AGA: variants seen among roughly 807,000 people sequenced by gnomAD.
The protein encoded by AGA is aspartylglucosaminidase.
In AGA, 31 loss-of-function variants were observed where a neutral mutation model predicts 40.1. The observed-to-expected ratio is 0.77, with a 90% CI of 0.58 to 1.04. The LOEUF is 1.04. Ranked by LOEUF, AGA falls within the 50% of genes least tolerant of loss-of-function variation. The pLI is 0.00. For synonymous variants in AGA, 148 were observed against 144.0 expected (o/e 1.03, Z -0.20); for missense variants, 445 against 435.4 (o/e 1.02, Z -0.20).
rs1057516565 is a variant in AGA at position 177,442,248 on chromosome 4, C to T, written c.127+1G>A. 2 of 1,613,806 alleles carry T rather than the reference C, an allele frequency of 1.2e-6. No homozygotes were observed. Among genetic ancestry groups the T allele is most frequent in the South Asian group, 1.1e-5 (1 of 91,076 alleles). On this transcript the variant is annotated splice_donor_variant, in intron 1 of 8. Transcript: ENST00000264595. LOFTEE classifies it high-confidence loss of function. ...CGCCCGCCCAGGCCGCCAACCCGCA[C>T]CTGCTTCGGTTGCATTCTTAAAGGG...
intron 5 of AGA, among the ~76,000 whole-genome samples, chr4:177,436,906 C>A (rs1449349250): frequency 6.6e-6 from 1 of 152,140 alleles, no homozygotes; most frequent in Admixed American, 6.6e-5. Context: ...TGAGTTCTAC[C>A]CGATTTCCTG....
rs557029891 is a variant in AGA at position 177,431,538 on chromosome 4, A to G, written c.*170T>C. ...TATAAGAAAGGTTAAATAAAAATAGATAATACAATTTCAGATATAGAAAGT... is the reference window on the plus strand; with the variant it reads ...TATAAGAAAGGTTAAATAAAAATAGGTAATACAATTTCAGATATAGAAAGT... On this transcript the variant is annotated 3_prime_UTR_variant, in exon 9 of 9. Transcript: ENST00000264595. 1.5e-4 allele frequency: 105 copies of G among 681,402 alleles called. No homozygotes were observed. In the African/African-American group the frequency reaches 1.7e-3, roughly 11 times the overall value. The allele number at this position is 681,402 out of a possible 1,614,324, so 42.2% of individuals were successfully genotyped here. A position where few individuals can be genotyped will look rare whatever the true frequency, so the allele number is the denominator to read the frequency against.
chr4:177,431,951 C>T lies in AGA; in HGVS notation c.941-143G>A, dbSNP rs1579038517. 6 of 725,490 alleles carry T rather than the reference C, an allele frequency of 8.3e-6. No homozygotes were observed. In the East Asian group the frequency reaches 1.6e-4, roughly 20 times the overall value. 44.9% of individuals were successfully genotyped at this position (725,490 alleles called of 1,614,324 possible). A position where few individuals can be genotyped will look rare whatever the true frequency, so the allele number is the denominator to read the frequency against. On this transcript the variant is annotated intron_variant, in intron 8 of 8. Transcript: ENST00000264595. The stretch of plus-strand genomic sequence containing the variant: ...CATGGAAATACACTAGTGTCATCCT[C>T]CTCAGAACTGAGCAGTGAACAGTCC...
In AGA at chr4:177,442,381, A is replaced by C; in HGVS notation, c.-6T>G. 6.2e-7 allele frequency: 1 copy of C among 1,613,926 alleles called. No individual in the cohort carries two copies. The highest frequency in any genetic ancestry group is 8.5e-7 in the Non-Finnish European group (1 of 1,179,902). On this transcript the variant is annotated 5_prime_UTR_variant, in exon 1 of 9. Transcript: ENST00000264595. Reference sequence around the variant, plus strand: ...AAGTTCGACTTCCGCGCCATCCCTGACCACCGAAGAGACCAGCGCGAGAAA... The same window carrying C: ...AAGTTCGACTTCCGCGCCATCCCTGCCCACCGAAGAGACCAGCGCGAGAAA...
Position 177,431,733 on chromosome 4 carries a change from G to A in AGA, c.1016C>T (p.Thr339Ile). ...TTAGATGCAGTCCACTTTTTCCTCAGTTGGCTGATTTTTTTCGGAATTATA... is the reference window on the plus strand; with the variant it reads ...TTAGATGCAGTCCACTTTTTCCTCAATTGGCTGATTTTTTTCGGAATTATA... ...MVYNSEKNQP[T>I]EEKVDCI The change falls in exon 9 of 9, where the codon ACT (threonine) becomes ATT (isoleucine). Residue 339 changes from threonine to isoleucine, a missense_variant. Coordinates refer to ENST00000264595, the MANE Select transcript of AGA (RefSeq NM_000027.4). 1 of 1,613,342 alleles carries A rather than the reference G, an allele frequency of 6.2e-7. No individual in the cohort carries two copies. The highest frequency in any genetic ancestry group is 1.7e-4 in the Middle Eastern group (1 of 6,058).
intron 2 of AGA, 196 bp downstream of exon 2, chr4:177,440,077 C>T (rs550513400): frequency 3.1e-6 from 2 of 650,438 alleles, no homozygotes; most frequent in African/African-American, 1.8e-5. Context: ...GACTACCTAT[C>T]TCTCCATGTG....
At position 177,430,858 on chromosome 4, in the gene AGA, G is replaced by C; in HGVS notation, c.*850C>G. Reference sequence around the variant, plus strand: ...GAAAAATGCTGCTGAGAAAGCACGCGCACAACTTCTGTAGAGTTGTCATAC... The same window carrying C: ...GAAAAATGCTGCTGAGAAAGCACGCCCACAACTTCTGTAGAGTTGTCATAC... On this transcript the variant is annotated 3_prime_UTR_variant, in exon 9 of 9. Transcript: ENST00000264595. The C allele has an allele frequency of 2.2e-6, 1 of 454,022 alleles. No homozygotes were observed. The highest frequency in any genetic ancestry group is 4.4e-6 in the Non-Finnish European group (1 of 226,776). 28.1% of individuals were successfully genotyped at this position (454,022 alleles called of 1,614,324 possible). A position where few individuals can be genotyped will look rare whatever the true frequency, so the allele number is the denominator to read the frequency against.
chr4:177,433,199 C>A lies in AGA; in HGVS notation c.940+15G>T. 1 of 1,613,898 alleles carries A rather than the reference C, an allele frequency of 6.2e-7. No homozygotes were observed. Among genetic ancestry groups the A allele is most frequent in the South Asian group, 1.1e-5 (1 of 91,074 alleles). ...TTGGAAGTTCACACAAATACAAAAT[C>A]CAAACACAACTTACCGTAACTTCCA... On this transcript the variant is annotated intron_variant, in intron 8 of 8. Coordinates refer to ENST00000264595, the MANE Select transcript of AGA (RefSeq NM_000027.4).
rs750039624 is a variant in AGA at position 177,436,368 on chromosome 4, A to T, written c.623-17T>A. On this transcript the variant is annotated splice_polypyrimidine_tract_variant and intron_variant, in intron 5 of 8. Transcript: ENST00000264595. ...CAACCATGCCTAGAAGTTAAAAAAA[A>T]AAAATCACTGTAGGTGTATAAAGTT... is the stretch of plus-strand genomic sequence containing the variant. 1 of 1,605,692 alleles carries T rather than the reference A, an allele frequency of 6.2e-7. No individual in the cohort carries two copies. The highest frequency in any genetic ancestry group is 2.2e-5 in the East Asian group (1 of 44,844).
Position 177,437,297 on chromosome 4 carries a change from T to C in AGA, c.622+108A>G, listed in dbSNP as rs933868882. The C allele has an allele frequency of 6.5e-5, 52 of 801,824 alleles. No homozygotes were observed. In the African/African-American group the frequency reaches 8.7e-4, roughly 13 times the overall value. The allele number at this position is 801,824 out of a possible 1,614,324, so 49.7% of individuals were successfully genotyped here. On this transcript the variant is annotated intron_variant, in intron 5 of 8. Coordinates refer to ENST00000264595, the MANE Select transcript of AGA (RefSeq NM_000027.4). ...CTATCTATAGAGAGGCACACTTAAT[T>C]GGCAGTTAAAACAATCAAAATCAAC...
At chr4:177,437,727 A>G (rs1736871822) in intron 4 of AGA, among the ~76,000 whole-genome samples, 1 of 152,208 alleles carries the variant, frequency 6.6e-6, no homozygotes, top group African/African-American at 2.4e-5. Flanking sequence ...TAGTCTAAGA[A>G]TTAAATAATA....
In AGA at chr4:177,439,973, C is replaced by CA. The variant is rs1203327133; in HGVS notation, c.282-286dup. The CA allele has an allele frequency of 2.2e-5, 13 of 582,950 alleles. No homozygotes were observed. The Admixed American group carries it at 3.0e-4, about 14-fold the overall frequency. 36.1% of individuals were successfully genotyped at this position (582,950 alleles called of 1,614,324 possible). A position where few individuals can be genotyped will look rare whatever the true frequency, so the allele number is the denominator to read the frequency against. On this transcript the variant is annotated intron_variant, in intron 2 of 8. Coordinates refer to ENST00000264595, the MANE Select transcript of AGA (RefSeq NM_000027.4). The stretch of plus-strand genomic sequence containing the variant: ...TGAAAGGGGCCTGAAGGCTTCAGGT[C>CA]AGGCAAACCACAGCATTTGTGGACA...
Position 177,437,346 on chromosome 4 carries a change from G to A in AGA, c.622+59C>T, listed in dbSNP as rs893208989. ...ACTTCTGGTAGAAGAATAGGGAAGA[G>A]CTACAGGAAGATAATTAACTAAACT... On this transcript the variant is annotated intron_variant, in intron 5 of 8. Coordinates refer to ENST00000264595, the MANE Select transcript of AGA (RefSeq NM_000027.4). 1.7e-5 allele frequency: 20 copies of A among 1,166,196 alleles called. 1 individual carries two copies. The highest frequency in any genetic ancestry group is 1.7e-4 in the East Asian group (7 of 42,240). 72.2% of individuals were successfully genotyped at this position (1,166,196 alleles called of 1,614,324 possible).
rs147575264 is a variant in AGA at position 177,442,388 on chromosome 4, A to G, written c.-13T>C. 6.5e-5 allele frequency: 105 copies of G among 1,613,872 alleles called. No individual in the cohort carries two copies. The highest frequency in any genetic ancestry group is 4.9e-4 in the Middle Eastern group (3 of 6,062). The stretch of plus-strand genomic sequence containing the variant: ...ACTTCCGCGCCATCCCTGACCACCG[A>G]AGAGACCAGCGCGAGAAAAGTCCCG... On this transcript the variant is annotated 5_prime_UTR_variant, in exon 1 of 9. Coordinates refer to ENST00000264595, the MANE Select transcript of AGA (RefSeq NM_000027.4).
chr4:177,431,361 C>T lies in AGA; in HGVS notation c.*347G>A, dbSNP rs1245064901. The T allele has an allele frequency of 2.3e-6, 1 of 442,988 alleles. No homozygotes were observed. The highest frequency in any genetic ancestry group is 2.0e-5 in the African/African-American group (1 of 49,204). 27.4% of individuals were successfully genotyped at this position (442,988 alleles called of 1,614,324 possible). On this transcript the variant is annotated 3_prime_UTR_variant, in exon 9 of 9. Coordinates refer to ENST00000264595, the MANE Select transcript of AGA (RefSeq NM_000027.4). ...AACTTGTATACTCTATTTTAAGCAT[C>T]CAAATATGATGATTCCTTTTGGGTT...
At position 177,431,340 on chromosome 4, in the gene AGA, T is replaced by C. The variant is rs894554337; in HGVS notation, c.*368A>G. 2.0e-5 allele frequency: 9 copies of C among 449,328 alleles called. No individual in the cohort carries two copies. The highest frequency in any genetic ancestry group is 1.6e-4 in the African/African-American group (8 of 49,748). 27.8% of individuals were successfully genotyped at this position (449,328 alleles called of 1,614,324 possible). On this transcript the variant is annotated 3_prime_UTR_variant, in exon 9 of 9. Transcript: ENST00000264595. ...TTTTTTTCTTTGGGTCTAAAAAACT[T>C]GTATACTCTATTTTAAGCATCCAAA...
intron 1 of AGA, 143 bp downstream of exon 1, chr4:177,442,106 G>T: frequency 8.1e-7 from 1 of 1,228,008 alleles, no homozygotes. Context: ...GACTCGGGAA[G>T]ACCTAGAGGG....
In AGA at chr4:177,431,617, C is replaced by G. The variant is rs928553796; in HGVS notation, c.*91G>C. ...TTTATTTTACAAAAAGACTTTAGAACACATGAGGAACACTAGATGATGAGA... is the reference window on the plus strand; with the variant it reads ...TTTATTTTACAAAAAGACTTTAGAAGACATGAGGAACACTAGATGATGAGA... On this transcript the variant is annotated 3_prime_UTR_variant, in exon 9 of 9. Coordinates refer to ENST00000264595, the MANE Select transcript of AGA (RefSeq NM_000027.4). 4 of 1,058,568 alleles carry G rather than the reference C, an allele frequency of 3.8e-6. No individual in the cohort carries two copies. The highest frequency in any genetic ancestry group is 5.8e-6 in the Non-Finnish European group (4 of 691,358). 65.6% of individuals were successfully genotyped at this position (1,058,568 alleles called of 1,614,324 possible).
chr4:177,436,464 A>G (rs1736823988), intron 5 of AGA, 113 bp from the exon 6 acceptor site: 2 of 876,392 alleles, frequency 2.3e-6, no homozygotes, highest in Non-Finnish European at 3.7e-6. Flanking sequence ...GTGTTCCCCC[A>G]AATTCATGTC....
Sources: gnomAD v4.1 joint callset for allele counts (sites outside exome capture counted in the v4.1 genomes callset) on GRCh38, gnomAD v4.1.1 for gene constraint, MANE v1.5 for transcripts, NCBI Gene and HGNC (gene_info 2026-07-23, HGNC 2026-07-21) for gene names.